The following OLFM2 variants were observed in gnomAD, a reference collection of about 807,000 sequenced individuals.
The protein encoded by OLFM2 is noelin-2.
A neutral mutation model predicts 43.9 loss-of-function variants in OLFM2; 20 were observed. The observed-to-expected ratio is 0.46, with a 90% CI of 0.32 to 0.66. OLFM2 has a LOEUF of 0.66. Among genes scored for constraint, OLFM2 ranks in the 30% least tolerant of loss-of-function variants. OLFM2 has a pLI of 0.04. For synonymous variants in OLFM2, 268 were observed against 278.6 expected (o/e 0.96, Z 0.38); for missense variants, 416 against 643.6 (o/e 0.65, Z 3.83).
intron 1 of OLFM2, among the ~76,000 whole-genome samples, chr19:9,907,770 G>A (rs976716227): frequency 3.9e-5 from 6 of 152,092 alleles, no homozygotes; most frequent in East Asian, 1.9e-4. Context: ...TTGGGAGGCC[G>A]AGGTGAGTGG....
intron 1 of OLFM2, among the ~76,000 whole-genome samples, chr19:9,864,124 A>G (rs1390748809): frequency 1.3e-5 from 2 of 152,152 alleles, no homozygotes; most frequent in Non-Finnish European, 1.5e-5. Context: ...ACACCCAGCA[A>G]TCCTCAGAGA....
chr19:9,890,877 C>T (rs1024404339), intron 1 of OLFM2, among the ~76,000 whole-genome samples: 1 of 151,926 alleles, frequency 6.6e-6, no homozygotes, highest in Non-Finnish European at 1.5e-5. Context: ...TTGTTTAAGC[C>T]CAGGAGTTGG....
At chr19:9,911,704 CTT>C (rs1474584397) in intron 1 of OLFM2, among the ~76,000 whole-genome samples, 2 of 152,244 alleles carry the variant, frequency 1.3e-5, no homozygotes, top group Non-Finnish European at 2.9e-5. Context: ...TAGACATGCT[CTT>C]ATATACTTAT....
At chr19:9,878,898 G>A (rs1218384585) in intron 1 of OLFM2, among the ~76,000 whole-genome samples, 4 of 152,140 alleles carry the variant, frequency 2.6e-5, no homozygotes, top group Non-Finnish European at 5.9e-5. Flanking sequence ...CCAGGCTGGA[G>A]CACAGTGGCG....
chr19:9,873,434 G>A (rs904047627), intron 1 of OLFM2, among the ~76,000 whole-genome samples: 8 of 152,018 alleles, frequency 5.3e-5, no homozygotes, highest in African/African-American at 9.7e-5. Flanking sequence ...GTTTACAGGC[G>A]TGAGCCATCA....
chr19:9,907,388 A>C (rs1452293729), intron 1 of OLFM2, among the ~76,000 whole-genome samples: 1 of 151,072 alleles, frequency 6.6e-6, no homozygotes, highest in Non-Finnish European at 1.5e-5. Context: ...CCGGGAGGTG[A>C]TTGAGGGAGA....
chr19:9,854,957 A>C lies in OLFM2; in HGVS notation c.688-94T>G, dbSNP rs1031787832. The C allele has an allele frequency of 8.3e-6, 8 of 965,592 alleles. No homozygotes were observed. The highest frequency in any genetic ancestry group is 1.1e-5 in the Non-Finnish European group (7 of 662,220). The allele number at this position is 965,592 out of a possible 1,614,324, so 59.8% of individuals were successfully genotyped here. A position where few individuals can be genotyped will look rare whatever the true frequency, so the allele number is the denominator to read the frequency against. ...CAGCCATTAGAGTTCAACAGTCACTAAGTGGTCATTAGTCATGGGAACTCT... is the reference window on the plus strand; with the variant it reads ...CAGCCATTAGAGTTCAACAGTCACTCAGTGGTCATTAGTCATGGGAACTCT... On this transcript the variant is annotated intron_variant, in intron 5 of 5. Coordinates refer to ENST00000264833, the MANE Select transcript of OLFM2 (RefSeq NM_058164.4). This position sits in a 1 kb window ranked among gnomAD's most constrained non-coding sequence, Gnocchi z 9.5.
Position 9,912,826 on chromosome 19 carries a change from G to C in OLFM2, c.63+23478C>G, listed in dbSNP as rs371029713. Among the ~76,000 whole-genome samples, 192 of 152,004 alleles carry C rather than the reference G, an allele frequency of 1.3e-3. 1 individual carries two copies. Among genetic ancestry groups the C allele is most frequent in the African/African-American group, 4.4e-3 (183 of 41,428 alleles). On this transcript the variant is annotated intron_variant, in intron 1 of 5. Transcript: ENST00000264833. ...TGGGGATAAATATTCAGCACATGGC[G>C]AGGCAAGAATGGCGGAAGGGGTGCA... is the stretch of plus-strand genomic sequence containing the variant.
In OLFM2 at chr19:9,857,401, G is replaced by A. The variant is rs753459394; in HGVS notation, c.442C>T (p.Arg148Cys). The change falls in exon 4 of 6, where the codon CGC (arginine) becomes TGC (cysteine). Residue 148 changes from arginine to cysteine, a missense_variant. Coordinates refer to ENST00000264833, the MANE Select transcript of OLFM2 (RefSeq NM_058164.4). The surrounding 1 kb of genome is among the most constrained non-coding windows in gnomAD (Gnocchi z 5.7). The stretch of plus-strand genomic sequence containing the variant: ...AGATTCCTCACCTCCTCCCGCAAGC[G>A]TACAATGGTCCGCGTGTCTGCCTTG... The part of the protein sequence containing the change: ...QYKADTRTIV[R>C]LREEVRNLSG... 13 of 1,613,930 alleles carry A rather than the reference G, an allele frequency of 8.1e-6. No homozygotes were observed. Among genetic ancestry groups the A allele is most frequent in the African/African-American group, 4.0e-5 (3 of 74,880 alleles).
intron 1 of OLFM2, among the ~76,000 whole-genome samples, chr19:9,882,725 C>T (rs115329588): frequency 0.023 from 3,503 of 151,146 alleles, 134 homozygotes; most frequent in African/African-American, 0.081. Context: ...GCCTGGGCAA[C>T]GTAGTGAGAC....
intron 1 of OLFM2, among the ~76,000 whole-genome samples, chr19:9,864,126 C>T (rs2046383497): frequency 6.6e-6 from 1 of 152,170 alleles, no homozygotes; most frequent in African/African-American, 2.4e-5. Context: ...ACCCAGCAAT[C>T]CTCAGAGATG....
intron 1 of OLFM2, among the ~76,000 whole-genome samples, chr19:9,876,835 T>C (rs2046492899): frequency 6.6e-6 from 1 of 152,332 alleles, no homozygotes; most frequent in African/African-American, 2.4e-5. Context: ...GGTTTGAATG[T>C]GTCCCCGCAA....
chr19:9,896,614 C>T (rs2046687615), intron 1 of OLFM2, among the ~76,000 whole-genome samples: 1 of 152,182 alleles, frequency 6.6e-6, no homozygotes, highest in African/African-American at 2.4e-5. Flanking sequence ...CCTCTTACCC[C>T]AGGGCCTTTG....
At chr19:9,874,416 C>G (rs1216588635) in intron 1 of OLFM2, among the ~76,000 whole-genome samples, 1 of 151,570 alleles carries the variant, frequency 6.6e-6, no homozygotes, top group African/African-American at 2.4e-5. Flanking sequence ...ACCCTCCCAC[C>G]TAAGCCTCCC....
chr19:9,860,685 C>G lies in OLFM2; in HGVS notation c.173G>C (p.Arg58Pro), dbSNP rs267605828. ...CCGCAGCTCCCGACTCCTGCCATCTCGAGAGCAGGTACTCTGCGCTGGGAT... is the reference window on the plus strand; with the variant it reads ...CCGCAGCTCCCGACTCCTGCCATCTGGAGAGCAGGTACTCTGCGCTGGGAT... ...AVIPAQSTCSRDGRSRELRQL... is the reference protein window; with the variant it reads ...AVIPAQSTCSPDGRSRELRQL... Residue 58 changes from arginine (R) to proline (P), a missense_variant, in exon 2 of 6, where the codon CGA becomes CCA. By Grantham distance (103) the Arg-to-Pro change is moderately radical (BLOSUM62 -2). Transcript: ENST00000264833. 3.1e-5 allele frequency: 49 copies of G among 1,599,518 alleles called. No homozygotes were observed. Among genetic ancestry groups the G allele is most frequent in the Non-Finnish European group, 3.9e-5 (46 of 1,172,892 alleles).
At chr19:9,860,624 G>T in intron 2 of OLFM2, 21 bp downstream of exon 2, 1 of 1,566,948 alleles carries the variant, frequency 6.4e-7, no homozygotes, top group South Asian at 1.2e-5. Flanking sequence ...GCTGCCCCCA[G>T]GGTACCTGGA....
chr19:9,906,474 G>A (rs10401244), intron 1 of OLFM2, among the ~76,000 whole-genome samples: 2,065 of 152,186 alleles, frequency 0.014, 31 homozygotes, highest in African/African-American at 0.047. Flanking sequence ...AAGAAAGAGC[G>A]CGCCCAAGAG....
At chr19:9,902,588 A>G (rs2046750420) in intron 1 of OLFM2, among the ~76,000 whole-genome samples, 1 of 151,736 alleles carries the variant, frequency 6.6e-6, no homozygotes, top group Non-Finnish European at 1.5e-5. Context: ...GGTTTTCACC[A>G]TGTTGGCCAG....
intron 1 of OLFM2, among the ~76,000 whole-genome samples, chr19:9,929,827 G>A (rs2086472315): frequency 6.6e-6 from 1 of 151,884 alleles, no homozygotes; most frequent in South Asian, 2.1e-4. Flanking sequence ...ATCACCTGAG[G>A]TCAGGAGTTC....
Sources: gnomAD v4.1 joint callset for allele counts (sites outside exome capture counted in the v4.1 genomes callset) on GRCh38, gnomAD v4.1.1 for gene constraint, Gnocchi (gnomAD v3.1) non-coding constraint, MANE v1.5 for transcripts, NCBI Gene and HGNC (gene_info 2026-07-23, HGNC 2026-07-21) for gene names.